PCGF3: variants seen among roughly 807,000 people sequenced by gnomAD.
The protein encoded by PCGF3 is polycomb group RING finger protein 3.
Under a neutral mutation model 33.1 loss-of-function variants are expected in PCGF3, and 7 were observed. The observed-to-expected ratio is 0.21, with a 90% confidence interval of 0.12 to 0.40. The LOEUF (loss-of-function observed/expected upper bound fraction) is 0.40, where lower values mean the gene tolerates loss of function less well. PCGF3 is among the 10% of genes least tolerant of loss of function. The pLI, the probability that PCGF3 is intolerant of heterozygous loss-of-function variation, is 1.00. For missense variants in PCGF3, 211 were observed against 313.3 expected (o/e 0.67, Z 2.46); for synonymous variants, 153 against 121.3 (o/e 1.26, Z -1.72).
chr4:768,933 T>C (rs771429215), exon 11 of PCGF3: 4 of 152,696 alleles, frequency 2.6e-5, no homozygotes, highest in South Asian at 2.1e-4. Context: ...TCTGTTTAAA[T>C]GGTAATGTAG....
At chr4:718,361 G>A (rs1168929483) in intron 1 of PCGF3, among the ~76,000 whole-genome samples, 1 of 152,156 alleles carries the variant, frequency 6.6e-6, no homozygotes, top group Non-Finnish European at 1.5e-5. Flanking sequence ...AGGCCTGCGG[G>A]GCCTGGGTTG....
chr4:752,531 C>T (rs550730711), intron 8 of PCGF3, among the ~76,000 whole-genome samples: 39 of 152,330 alleles, frequency 2.6e-4, no homozygotes, highest in Non-Finnish European at 4.3e-4. Context: ...CGTGGGCATC[C>T]TGAGGCCTCC....
At chr4:755,888 C>G (rs1355539951) in intron 8 of PCGF3, among the ~76,000 whole-genome samples, 3 of 116,166 alleles carry the variant, frequency 2.6e-5, no homozygotes, top group African/African-American at 9.5e-5. Flanking sequence ...CCTCATTTTT[C>G]TTCTTCAGAA....
In PCGF3 at chr4:709,369, G is replaced by T. The variant is rs191280626; in HGVS notation, c.-190+3399G>T. On this transcript the variant is annotated intron_variant, in intron 1 of 10. Coordinates refer to ENST00000362003, the Ensembl canonical transcript of PCGF3. ...TGATGCATGAACAAATGAATGAAAG[G>T]CAAGAGTGAATGATGCATGAACACA... Among the ~76,000 whole-genome samples, 143 of 151,744 alleles carry T rather than the reference G, an allele frequency of 9.4e-4. 3 individuals carry two copies. The East Asian group carries it at 0.028, about 29-fold the overall frequency.
intron 9 of PCGF3, chr4:762,057 C>G (rs1745090860): frequency 1.0e-6 from 1 of 985,290 alleles, no homozygotes; most frequent in Non-Finnish European, 1.2e-6. Context: ...TGGGGGCGGT[C>G]AGGGTGGAGA....
chr4:722,321 G>T, intron 1 of PCGF3: 1 of 181,872 alleles, frequency 5.5e-6, no homozygotes, highest in Non-Finnish European at 1.1e-5. Context: ...GCTGTGTGCT[G>T]CAGGCGCGAC....
At chr4:761,193 G>A (rs747235936) in intron 8 of PCGF3, 86 bp from the exon 9 acceptor site, 6 of 1,156,920 alleles carry the variant, frequency 5.2e-6, no homozygotes, top group East Asian at 2.7e-5. Flanking sequence ...CTAGATTGAG[G>A]AATTAGTGAA....
intron 8 of PCGF3, among the ~76,000 whole-genome samples, chr4:758,110 G>T (rs1379404421): frequency 6.9e-6 from 1 of 144,642 alleles, no homozygotes; most frequent in African/African-American, 2.6e-5. Context: ...GGAGGTTGCA[G>T]TGAGCCGAGA....
chr4:748,863 C>T (rs1314558138), intron 8 of PCGF3, among the ~76,000 whole-genome samples: 1 of 151,978 alleles, frequency 6.6e-6, no homozygotes, highest in Non-Finnish European at 1.5e-5. Context: ...TACAGCAGTT[C>T]CCCAGTGGTG....
At chr4:718,247 C>T (rs1560197315) in intron 1 of PCGF3, among the ~76,000 whole-genome samples, 1 of 151,882 alleles carries the variant, frequency 6.6e-6, no homozygotes, top group East Asian at 1.9e-4. Flanking sequence ...AACGTGGAGT[C>T]GGGGGGTCTG....
At chr4:738,993 T>C (rs1743968375) in intron 6 of PCGF3, among the ~76,000 whole-genome samples, 1 of 152,212 alleles carries the variant, frequency 6.6e-6, no homozygotes, top group South Asian at 2.1e-4. Context: ...CCGTCCTTGC[T>C]GCACCTGCTG....
chr4:717,135 A>G lies in PCGF3; in HGVS notation c.-190+11165A>G, dbSNP rs375094470. 8.8e-3 allele frequency among the ~76,000 whole-genome samples: 201 copies of G among 22,870 alleles called. 4 individuals are homozygous for G. The highest frequency in any genetic ancestry group is 0.01 in the Non-Finnish European group (125 of 12,378). The allele number at this position is 22,870 out of a possible 152,430, so 15.0% of individuals were successfully genotyped here. On this transcript the variant is annotated intron_variant, in intron 1 of 10. Transcript: ENST00000362003. Reference sequence around the variant, plus strand: ...CTGTAGACACTGAATGTGAGAACTGAGCGTCGGTGCTGGGACCCTGTAGAC... The same window carrying G: ...CTGTAGACACTGAATGTGAGAACTGGGCGTCGGTGCTGGGACCCTGTAGAC...
chr4:742,265 C>T lies in PCGF3; in HGVS notation c.263-1209C>T, dbSNP rs376428934. 1.2e-4 allele frequency among the ~76,000 whole-genome samples: 19 copies of T among 152,006 alleles called. No homozygotes were observed. In the South Asian group the frequency reaches 2.3e-3, roughly 18 times the overall value. ...CCCCTCCTCTCTCTGCCCAGGCTCA[C>T]GGGGCATCCTCCTCTCTGTCCAAGC... On this transcript the variant is annotated intron_variant, in intron 6 of 10. Transcript: ENST00000362003.
At chr4:741,720 C>T (rs1382210135) in intron 6 of PCGF3, among the ~76,000 whole-genome samples, 1 of 152,110 alleles carries the variant, frequency 6.6e-6, no homozygotes, top group Non-Finnish European at 1.5e-5. Context: ...ATAAATGTTT[C>T]AGTGCCTGTA....
Position 764,976 on chromosome 4 carries a change from TC to T in PCGF3, c.601-3del. 6.2e-7 allele frequency: 1 copy of T among 1,611,570 alleles called. No homozygotes were observed. The highest frequency in any genetic ancestry group is 1.3e-5 in the African/African-American group (1 of 74,928). On this transcript the variant is annotated splice_polypyrimidine_tract_variant and splice_region_variant and intron_variant, in intron 9 of 10. Coordinates refer to ENST00000362003, the Ensembl canonical transcript of PCGF3. ...CTCCGCTGCTAATCAAACCTCCTTA[TC>T]CCCCAGCTGGACATTTTATGCAACG...
intron 8 of PCGF3, among the ~76,000 whole-genome samples, chr4:757,896 C>T (rs1189652398): frequency 2.0e-5 from 3 of 152,078 alleles, no homozygotes; most frequent in East Asian, 3.9e-4. Context: ...TGGCCCGGCG[C>T]GGTGGCTCAC....
At chr4:744,480 C>T (rs1297089186) in intron 7 of PCGF3, 120 bp from the exon 8 acceptor site, 5 of 742,930 alleles carry the variant, frequency 6.7e-6, no homozygotes, top group African/African-American at 1.8e-5. Flanking sequence ...TACTCCGCTC[C>T]GGGGGTCCAG....
Position 720,560 on chromosome 4 carries a change from C to T in PCGF3, c.-189-10070C>T, listed in dbSNP as rs1344372171. ...GGCAAGGCTGATGTGGACGCAGCCC[C>T]GACGTGAACAGGACCCCACGTGGAC... On this transcript the variant is annotated intron_variant, in intron 1 of 10. Transcript: ENST00000362003. This position sits in a 1 kb window ranked among gnomAD's most constrained non-coding sequence, Gnocchi z 5.6. Among the ~76,000 whole-genome samples, 2 of 151,916 alleles carry T rather than the reference C, an allele frequency of 1.3e-5. No individual in the cohort carries two copies. The highest frequency in any genetic ancestry group is 4.8e-5 in the African/African-American group (2 of 41,314).
intron 5 of PCGF3, among the ~76,000 whole-genome samples, chr4:735,502 C>T (rs1238310724): frequency 2.6e-5 from 4 of 151,988 alleles, no homozygotes; most frequent in African/African-American, 4.8e-5. Context: ...GCGGAGATTG[C>T]GCCGTTGCAC....
Sources: allele counts gnomAD v4.1 joint callset (sites outside exome capture counted in the v4.1 genomes callset), GRCh38; gene constraint gnomAD v4.1.1; non-coding constraint Gnocchi (gnomAD v3.1); transcripts MANE v1.5; gene names NCBI Gene and HGNC (gene_info 2026-07-23, HGNC 2026-07-21).